The following ATP8B4 variants were observed in gnomAD, a reference collection of about 807,000 sequenced individuals.
The protein encoded by ATP8B4 is probable phospholipid-transporting ATPase IM.
Under a neutral mutation model 145.6 loss-of-function variants are expected in ATP8B4, and 133 were observed. The observed-to-expected ratio is 0.91, with a 90% CI of 0.79 to 1.05. The LOEUF (loss-of-function observed/expected upper bound fraction) is 1.05, where lower values mean the gene tolerates loss of function less well. Ranked by LOEUF, ATP8B4 falls within the 50% of genes least tolerant of loss-of-function variation. ATP8B4 has a pLI of 0.00. For missense variants in ATP8B4, 1,458 were observed against 1,425.2 expected, an observed-to-expected ratio of 1.02 and a Z score of -0.37; for synonymous variants, 507 against 492.9, an observed-to-expected ratio of 1.03 and a Z score of -0.38.
At chr15:49,869,840 A>AT (rs1342240723) in intron 25 of ATP8B4, among the ~76,000 whole-genome samples, 1 of 152,186 alleles carries the variant, frequency 6.6e-6, no homozygotes, top group African/African-American at 2.4e-5. Context: ...TTTAGCTTAA[A>AT]TTTTTAAAGT....
In ATP8B4 at chr15:49,898,064, T is replaced by G; in HGVS notation, c.2473+4A>C. The G allele has an allele frequency of 6.2e-7, 1 of 1,613,664 alleles. No individual in the cohort carries two copies. On this transcript the variant is annotated splice_donor_region_variant and intron_variant, in intron 22 of 27. Coordinates refer to ENST00000284509, the MANE Select transcript of ATP8B4 (RefSeq NM_024837.4). ...CATACCCCATTGAGCAAATATCCTC[T>G]TACTTTTAATCATGCTGACATCATT... is the stretch of plus-strand genomic sequence containing the variant.
intron 3 of ATP8B4, among the ~76,000 whole-genome samples, chr15:50,067,659 T>C (rs1187698155): frequency 6.6e-6 from 1 of 152,168 alleles, no homozygotes; most frequent in African/African-American, 2.4e-5. Context: ...AGACTATATC[T>C]GCTCCTTGAA....
chr15:49,882,886 A>G (rs1197836108), intron 23 of ATP8B4, among the ~76,000 whole-genome samples: 1 of 152,178 alleles, frequency 6.6e-6, no homozygotes, highest in Non-Finnish European at 1.5e-5. Context: ...ATTTAAGCTG[A>G]TATTTATATA....
Position 50,158,828 on chromosome 15 carries a change from CAT to C in ATP8B4, c.-43+23431_-43+23432del, listed in dbSNP as rs1408281149. Among the ~76,000 whole-genome samples, 58 of 152,228 alleles carry C rather than the reference CAT, an allele frequency of 3.8e-4. 1 individual carries two copies. Among genetic ancestry groups the C allele is most frequent in the Admixed American group, 3.8e-3 (58 of 15,280 alleles). On this transcript the variant is annotated intron_variant, in intron 1 of 3. Coordinates refer to the ATP8B4 transcript ENST00000558829. Reference sequence around the variant, plus strand: ...ACCCCCAACCCTGTGCTCTCTGAAACATGTGCTGTGCCCACTCAGGGTTAAAT... The same window carrying C: ...ACCCCCAACCCTGTGCTCTCTGAAACGTGCTGTGCCCACTCAGGGTTAAAT...
chr15:49,932,067 AAATT>A (rs1663100282), intron 15 of ATP8B4, among the ~76,000 whole-genome samples: 1 of 151,568 alleles, frequency 6.6e-6, no homozygotes, highest in African/African-American at 2.4e-5. Context: ...TTATATGTAA[AAATT>A]AATTTGAAAA....
chr15:49,904,888 G>A (rs780699809), intron 20 of ATP8B4, among the ~76,000 whole-genome samples: 12 of 152,166 alleles, frequency 7.9e-5, no homozygotes, highest in Non-Finnish European at 1.5e-4. Flanking sequence ...TTATGATTTA[G>A]TTAAAGAACA....
At chr15:49,942,272 A>G (rs1295316807) in intron 14 of ATP8B4, among the ~76,000 whole-genome samples, 1 of 152,064 alleles carries the variant, frequency 6.6e-6, no homozygotes, top group African/African-American at 2.4e-5. Context: ...TAATGTACAG[A>G]AAAAAATAAT....
At chr15:50,036,743 G>C (rs1296267132) in intron 6 of ATP8B4, among the ~76,000 whole-genome samples, 1 of 152,158 alleles carries the variant, frequency 6.6e-6, no homozygotes, top group Non-Finnish European at 1.5e-5. Flanking sequence ...ACACAATCAA[G>C]AGAAAGGACC....
intron 23 of ATP8B4, chr15:49,896,659 T>C (rs555297109): frequency 2.4e-4 from 36 of 152,344 alleles, no homozygotes; most frequent in African/African-American, 8.4e-4. Context: ...ATTTAAATGA[T>C]ATAGACATTA....
At chr15:50,021,316 G>A (rs184411807) in intron 6 of ATP8B4, among the ~76,000 whole-genome samples, 3 of 152,274 alleles carry the variant, frequency 2.0e-5, no homozygotes, top group Non-Finnish European at 4.4e-5. Context: ...AGAAGCCAGC[G>A]AAATCTTTTT....
intron 1 of ATP8B4, among the ~76,000 whole-genome samples, chr15:50,150,193 G>T (rs888229994): frequency 2.4e-4 from 36 of 152,174 alleles, no homozygotes; most frequent in African/African-American, 8.2e-4. Flanking sequence ...AGGTGAGCTT[G>T]AACAGTGAGT....
chr15:49,950,616 A>AAAAAAAAAAAAACAACAAC (rs1567059687), intron 14 of ATP8B4, among the ~76,000 whole-genome samples: 1 of 100,282 alleles, frequency 1.0e-5, no homozygotes, highest in Non-Finnish European at 1.8e-5. Flanking sequence ...ACAAACAAAC[A>AAAAAAAAAAAAACAACAAC]AACAAAAAAA....
At chr15:49,893,490 C>T (rs1488082392) in intron 23 of ATP8B4, among the ~76,000 whole-genome samples, 1 of 152,128 alleles carries the variant, frequency 6.6e-6, no homozygotes, top group Non-Finnish European at 1.5e-5. Flanking sequence ...AAAAATACTG[C>T]CACATGCTAC....
At chr15:50,096,261 T>G (rs539740863) in intron 2 of ATP8B4, among the ~76,000 whole-genome samples, 1 of 152,082 alleles carries the variant, frequency 6.6e-6, no homozygotes, top group Admixed American at 6.6e-5. Flanking sequence ...GAATAGCCGC[T>G]CTCCCCTAAT....
intron 26 of ATP8B4, among the ~76,000 whole-genome samples, chr15:49,863,440 A>G (rs2032210550): frequency 6.6e-6 from 1 of 152,310 alleles, no homozygotes; most frequent in African/African-American, 2.4e-5. Flanking sequence ...GACAAGCTCC[A>G]TGGGAAGATG....
At chr15:49,981,356 C>A in intron 10 of ATP8B4, 62 bp from the exon 11 acceptor site, 2 of 1,278,088 alleles carry the variant, frequency 1.6e-6, no homozygotes, top group Non-Finnish European at 2.2e-6. Context: ...CTTATTAATG[C>A]TCATATCAAA....
chr15:50,139,030 G>A (rs972466706), intron 1 of ATP8B4, among the ~76,000 whole-genome samples: 26 of 152,274 alleles, frequency 1.7e-4, no homozygotes, highest in African/African-American at 5.3e-4. Context: ...ACAGTGTGGC[G>A]ATTCCTGAAG....
chr15:49,977,039 G>A (rs1228481886), intron 12 of ATP8B4, among the ~76,000 whole-genome samples: 1 of 152,168 alleles, frequency 6.6e-6, no homozygotes, highest in Non-Finnish European at 1.5e-5. Flanking sequence ...AGCTGGGTAC[G>A]CCTTAACACA....
At chr15:49,871,563 A>C (rs575487748) in intron 25 of ATP8B4, among the ~76,000 whole-genome samples, 1 of 152,370 alleles carries the variant, frequency 6.6e-6, no homozygotes, top group African/African-American at 2.4e-5. Context: ...AGCTGCCATC[A>C]AGGACAGGCC....
Sources: allele counts gnomAD v4.1 joint callset (sites outside exome capture counted in the v4.1 genomes callset), GRCh38; gene constraint gnomAD v4.1.1; transcripts MANE v1.5; gene names NCBI Gene and HGNC (gene_info 2026-07-23, HGNC 2026-07-21).